FAM168A: variants seen among roughly 807,000 people sequenced by gnomAD.
FAM168A encodes protein FAM168A.
Under a neutral mutation model 28.5 loss-of-function variants are expected in FAM168A, and 3 were observed. The observed-to-expected ratio is 0.11, with a 90% CI of 0.05 to 0.27. The LOEUF (loss-of-function observed/expected upper bound fraction) is 0.27. Among genes scored for constraint, FAM168A ranks in the 10% least tolerant of loss-of-function variants. The pLI is 1.00. For synonymous variants in FAM168A, 122 were observed against 124.2 expected (o/e 0.98, Z 0.12); for missense variants, 222 against 311.5 (o/e 0.71, Z 2.16).
chr11:73,572,253 TG>T (rs1207056021), intron 1 of FAM168A, among the ~76,000 whole-genome samples: 1 of 138,752 alleles, frequency 7.2e-6, no homozygotes, highest in Non-Finnish European at 1.6e-5. Flanking sequence ...GGGAGGGAGG[TG>T]GGGGGTCAGC....
chr11:73,493,466 G>A (rs899481029), intron 1 of FAM168A, among the ~76,000 whole-genome samples: 1 of 152,218 alleles, frequency 6.6e-6, no homozygotes, highest in African/African-American at 2.4e-5. Flanking sequence ...AAGCTGGACA[G>A]CAGTGGTGCA....
chr11:73,583,542 A>C (rs1013448165), intron 1 of FAM168A, among the ~76,000 whole-genome samples: 17 of 152,216 alleles, frequency 1.1e-4, no homozygotes, highest in African/African-American at 3.4e-4. Flanking sequence ...GGATAACCAC[A>C]ATCAGAGTAA....
At chr11:73,451,482 C>G (rs1001210604) in intron 2 of FAM168A, among the ~76,000 whole-genome samples, 1 of 152,148 alleles carries the variant, frequency 6.6e-6, no homozygotes, top group Non-Finnish European at 1.5e-5. Context: ...ACTGAGAACA[C>G]AATGACTGCC....
chr11:73,520,402 A>G (rs1943360778), intron 1 of FAM168A, among the ~76,000 whole-genome samples: 1 of 152,158 alleles, frequency 6.6e-6, no homozygotes, highest in Non-Finnish European at 1.5e-5. Flanking sequence ...ATAAAACAAA[A>G]TAACTCAAGT....
At chr11:73,596,555 C>A (rs753258081) in intron 1 of FAM168A, among the ~76,000 whole-genome samples, 1 of 152,082 alleles carries the variant, frequency 6.6e-6, no homozygotes, top group Non-Finnish European at 1.5e-5. Context: ...ATTAAAATGG[C>A]CCCTAAGAAT....
At chr11:73,462,254 C>G (rs1470771538) in intron 2 of FAM168A, among the ~76,000 whole-genome samples, 6 of 152,108 alleles carry the variant, frequency 3.9e-5, no homozygotes, top group Non-Finnish European at 8.8e-5. Flanking sequence ...ATACATAAAA[C>G]AGAATATTAT....
At chr11:73,595,887 T>C (rs1231843084) in intron 1 of FAM168A, among the ~76,000 whole-genome samples, 2 of 152,248 alleles carry the variant, frequency 1.3e-5, no homozygotes, top group African/African-American at 4.8e-5. Flanking sequence ...ATCTTATCAA[T>C]GTCAAAAGAC....
intron 1 of FAM168A, among the ~76,000 whole-genome samples, chr11:73,482,566 T>C (rs954357177): frequency 6.6e-6 from 1 of 151,018 alleles, no homozygotes; most frequent in Non-Finnish European, 1.5e-5. Flanking sequence ...AGTCAAGGGG[T>C]TCTACCAGAA....
At chr11:73,494,277 G>A (rs1375348862) in intron 1 of FAM168A, among the ~76,000 whole-genome samples, 1 of 152,140 alleles carries the variant, frequency 6.6e-6, no homozygotes, top group Non-Finnish European at 1.5e-5. Flanking sequence ...AAGTCACAGA[G>A]CAGGTCACAA....
intron 1 of FAM168A, among the ~76,000 whole-genome samples, chr11:73,526,923 T>C (rs1943454666): frequency 6.7e-6 from 1 of 148,552 alleles, no homozygotes. Context: ...CTGAAACAGT[T>C]GGAATTCAAA....
rs944243013 is a variant in FAM168A at position 73,592,745 on chromosome 11, A to G, written c.-19+5178T>C. ...AACAACAGAGGCCATATGTGGCACA[A>G]AATATTTTCTACAAAAAGCATTTGC... On this transcript the variant is annotated intron_variant, in intron 1 of 7. Coordinates refer to ENST00000356467, the MANE Select transcript of FAM168A (RefSeq NM_015159.3). Among the ~76,000 whole-genome samples, 8 of 152,126 alleles carry G rather than the reference A, an allele frequency of 5.3e-5. No individual in the cohort carries two copies. In the East Asian group the frequency reaches 1.5e-3, roughly 29 times the overall value.
At position 73,468,406 on chromosome 11, in the gene FAM168A, C is replaced by G. The variant is rs144949543; in HGVS notation, c.69G>C (p.Thr23=). 5.0e-6 allele frequency: 8 copies of G among 1,613,834 alleles called. No homozygotes were observed. In the African/African-American group the frequency reaches 5.3e-5, roughly 11 times the overall value. ...PYGNPKNMAY[T]GYPTAYPAAA... ...GAGAGCCATTCTCACACTACTCACC[C>G]GTGTAGGCCATGTTCTTAGGGTTGC... The change falls in exon 2 of 8, where the codon ACG becomes ACC. Residue 23 remains threonine (T), a splice_region_variant and synonymous_variant. Transcript: ENST00000356467.
chr11:73,426,734 TAA>T (rs1866892171), intron 3 of FAM168A, among the ~76,000 whole-genome samples: 5 of 151,156 alleles, frequency 3.3e-5, no homozygotes, highest in Admixed American at 1.3e-4. Context: ...TGTGTGTGTG[TAA>T]GTAACTCAAA....
chr11:73,416,275 G>A (rs568470813), intron 4 of FAM168A, among the ~76,000 whole-genome samples: 8 of 152,250 alleles, frequency 5.3e-5, no homozygotes, highest in African/African-American at 1.4e-4. Context: ...CCTTTTCAGC[G>A]CTTTCTGCAA....
Position 73,583,400 on chromosome 11 carries a change from T to A in FAM168A, c.-19+14523A>T, listed in dbSNP as rs369885739. On this transcript the variant is annotated intron_variant, in intron 1 of 7. Coordinates refer to ENST00000356467, the MANE Select transcript of FAM168A (RefSeq NM_015159.3). ...CAGCTGTTAATAGGCCAGTTTGAAA[T>A]GATGGATTCACCTGACATGTCTTTA... Among the ~76,000 whole-genome samples, 7 of 152,280 alleles carry A rather than the reference T, an allele frequency of 4.6e-5. No homozygotes were observed. In the East Asian group the frequency reaches 1.4e-3, roughly 29 times the overall value.
At chr11:73,449,393 A>G (rs1477773047) in intron 2 of FAM168A, among the ~76,000 whole-genome samples, 4 of 149,800 alleles carry the variant, frequency 2.7e-5, no homozygotes, top group Admixed American at 6.6e-5. Context: ...AAGCTACATG[A>G]AAAAAAAAAT....
intron 2 of FAM168A, among the ~76,000 whole-genome samples, chr11:73,438,097 TTCATCATCATCATCATCATCG>T (rs1156696707): frequency 1.3e-5 from 2 of 151,976 alleles, no homozygotes; most frequent in African/African-American, 4.8e-5. Context: ...GCATCCAGAT[TTCATCATCATCATCATCATCG>T]TCATCATCAT....
intron 2 of FAM168A, among the ~76,000 whole-genome samples, chr11:73,456,699 C>T (rs1468687586): frequency 1.3e-5 from 2 of 152,248 alleles, no homozygotes; most frequent in Non-Finnish European, 2.9e-5. Context: ...TCCACATAAA[C>T]AACTACTGAG....
At chr11:73,472,553 T>C (rs4944841) in intron 1 of FAM168A, among the ~76,000 whole-genome samples, 1,867 of 152,228 alleles carry the variant, frequency 0.012, 15 homozygotes, top group Non-Finnish European at 0.019. Context: ...AGAGTGAAAT[T>C]ATTTGTCTTC....
Sources: gnomAD v4.1 joint callset for allele counts (sites outside exome capture counted in the v4.1 genomes callset) on GRCh38, gnomAD v4.1.1 for gene constraint, MANE v1.5 for transcripts, NCBI Gene and HGNC (gene_info 2026-07-23, HGNC 2026-07-21) for gene names.